CDH23: variants seen among roughly 807,000 people sequenced by gnomAD.
CDH23 encodes cadherin related 23.
CDH23 carries 189 observed loss-of-function variants against 317.1 expected under a neutral mutation model. That is an observed-to-expected ratio of 0.60 (90% CI 0.53 to 0.67). The LOEUF is 0.67. Ranked by LOEUF, CDH23 falls within the 30% of genes least tolerant of loss-of-function variation. The pLI, the probability that CDH23 is intolerant of heterozygous loss-of-function variation, is 0.00. For missense variants in CDH23, 4,401 were observed against 4,592.4 expected (o/e 0.96, Z 1.20); for synonymous variants, 1,839 against 1,876.8 (o/e 0.98, Z 0.52).
At chr10:71,696,532 G>A (rs1865398373) in intron 22 of CDH23, among the ~76,000 whole-genome samples, 1 of 152,210 alleles carries the variant, frequency 6.6e-6, no homozygotes, top group African/African-American at 2.4e-5. Flanking sequence ...TGTCTGACTT[G>A]GAGACAAGGG....
rs754872846 is a variant in CDH23 at position 71,571,640 on chromosome 10, G to A, written c.753+722G>A. On this transcript the variant is annotated intron_variant, in intron 8 of 69. Transcript: ENST00000224721. Reference sequence around the variant, plus strand: ...GCCATCTCTAGTCTCATAACCATTCGTGCGTCTGTGCAAACTTGAATGCAA... The same window carrying A: ...GCCATCTCTAGTCTCATAACCATTCATGCGTCTGTGCAAACTTGAATGCAA... Among the ~76,000 whole-genome samples, 4 of 152,316 alleles carry A rather than the reference G, an allele frequency of 2.6e-5. No homozygotes were observed. The East Asian group carries it at 5.8e-4, about 22-fold the overall frequency.
Position 71,676,191 on chromosome 10 carries a change from G to A in CDH23, c.1514+1015G>A, listed in dbSNP as rs556075200. On this transcript the variant is annotated intron_variant, in intron 15 of 69. Transcript: ENST00000224721. ...CCAAGTGCTGGGATTACAGGCATGA[G>A]CCACTGCACCCGGCCCCCTCTCACT... Among the ~76,000 whole-genome samples the A allele has an allele frequency of 8.6e-5, 13 of 151,756 alleles. No homozygotes were observed. The East Asian group carries it at 2.5e-3, about 30-fold the overall frequency.
chr10:71,446,316 AGGCCAGGTGAACC>A lies in CDH23; in HGVS notation c.70_82del (p.Gln24CysfsTer14). Reference sequence around the variant, plus strand: ...CTGACGCTCTTGTCCTCTGACTTCCAGGCCAGGTGAACCGGCTGCCCTTCTTCACCAACCACTT... The same window carrying A: ...CTGACGCTCTTGTCCTCTGACTTCCAGGCTGCCCTTCTTCACCAACCACTT... On this transcript the variant is annotated splice_acceptor_variant and coding_sequence_variant, in exon 3 of 70. Coordinates refer to ENST00000224721, the MANE Select transcript of CDH23 (RefSeq NM_022124.6). LOFTEE classifies it high-confidence loss of function. 1 of 1,613,980 alleles carries A rather than the reference AGGCCAGGTGAACC, an allele frequency of 6.2e-7. No individual in the cohort carries two copies. The highest frequency in any genetic ancestry group is 2.2e-5 in the East Asian group (1 of 44,884).
intron 6 of CDH23, among the ~76,000 whole-genome samples, chr10:71,552,979 C>A (rs1051287382): frequency 1.3e-5 from 2 of 152,230 alleles, no homozygotes; most frequent in South Asian, 4.1e-4. Context: ...ACCATCCAGT[C>A]CCCCCACTCC....
Position 71,740,833 on chromosome 10 carries a change from T to G in CDH23, c.4500T>G (p.Ser1500=), listed in dbSNP as rs754848147. The change falls in exon 37 of 70, where the codon TCT becomes TCG. Residue 1500 remains serine, a synonymous_variant. Coordinates refer to ENST00000224721, the MANE Select transcript of CDH23 (RefSeq NM_022124.6). The part of the protein sequence containing the change: ...LDHYILQVVA[S]DRGTPPRKKD... ...CCTCCTCCTTGCAGGTTGTGGCTTC[T>G]GACCGAGGCACCCCTCCACGGAAGA... 1 of 1,613,810 alleles carries G rather than the reference T, an allele frequency of 6.2e-7. No individual in the cohort carries two copies. The highest frequency in any genetic ancestry group is 1.1e-5 in the South Asian group (1 of 91,088).
At chr10:71,441,583 G>A (rs1044986499) in intron 2 of CDH23, among the ~76,000 whole-genome samples, 31 of 152,102 alleles carry the variant, frequency 2.0e-4, no homozygotes, top group Admixed American at 1.6e-3. Flanking sequence ...GCTGGACATG[G>A]TGGTGGCGCA....
intron 6 of CDH23, among the ~76,000 whole-genome samples, chr10:71,551,537 C>A (rs1856596960): frequency 6.6e-6 from 1 of 152,142 alleles, no homozygotes; most frequent in Non-Finnish European, 1.5e-5. Flanking sequence ...TCTTGAGGTT[C>A]TGGTAGGGAA....
At chr10:71,607,879 G>T (rs547285371) in intron 9 of CDH23, among the ~76,000 whole-genome samples, 1 of 152,254 alleles carries the variant, frequency 6.6e-6, no homozygotes, top group Admixed American at 6.5e-5. Flanking sequence ...CTCCAGCCTG[G>T]GTGATAGAAC....
chr10:71,602,995 A>G (rs139203500), intron 9 of CDH23, among the ~76,000 whole-genome samples: 7 of 152,266 alleles, frequency 4.6e-5, no homozygotes, highest in African/African-American at 1.7e-4. Context: ...GAAGATGACC[A>G]ATCTTCCCCA....
chr10:71,434,163 C>A (rs766226298), intron 1 of CDH23, among the ~76,000 whole-genome samples: 2 of 152,198 alleles, frequency 1.3e-5, no homozygotes, highest in Non-Finnish European at 2.9e-5. Context: ...AGGCATTCCT[C>A]CCAGATATCC....
chr10:71,619,992 T>C (rs1861385227), intron 11 of CDH23, among the ~76,000 whole-genome samples: 1 of 152,202 alleles, frequency 6.6e-6, no homozygotes, highest in South Asian at 2.1e-4. Flanking sequence ...CAGCTTATAT[T>C]GCAGTAACAA....
At chr10:71,443,947 G>A (rs1485381406) in intron 2 of CDH23, among the ~76,000 whole-genome samples, 1 of 152,252 alleles carries the variant, frequency 6.6e-6, no homozygotes, top group South Asian at 2.1e-4. Context: ...AGCTCCCAGT[G>A]ACTGATTAGT....
intron 6 of CDH23, among the ~76,000 whole-genome samples, chr10:71,514,814 A>G (rs149677918): frequency 6.6e-6 from 1 of 152,354 alleles, no homozygotes; most frequent in East Asian, 1.9e-4. Context: ...GCCAGCCTCG[A>G]CAGACCTCAT....
At chr10:71,446,463 G>A (rs1850174491) in intron 3 of CDH23, 68 bp downstream of exon 3, 2 of 1,461,228 alleles carry the variant, frequency 1.4e-6, no homozygotes, top group Admixed American at 1.7e-5. Context: ...ACAAGTGAAG[G>A]GGATCTTACA....
chr10:71,625,411 A>AT (rs369650190), intron 11 of CDH23, among the ~76,000 whole-genome samples: 1 of 130,068 alleles, frequency 7.7e-6, no homozygotes, highest in Non-Finnish European at 1.6e-5. Flanking sequence ...AAAAAAAAAA[A>AT]AAAAAAAAAA....
chr10:71,741,214 G>C (rs1839723275), intron 37 of CDH23, among the ~76,000 whole-genome samples: 1 of 152,208 alleles, frequency 6.6e-6, no homozygotes, highest in African/African-American at 2.4e-5. Flanking sequence ...TTTACCCCGG[G>C]AGCTTGCTTT....
chr10:71,509,875 G>A, intron 3 of CDH23: 1 of 593,374 alleles, frequency 1.7e-6, no homozygotes, highest in Non-Finnish European at 3.0e-6. Flanking sequence ...ATACCATCAT[G>A]ACACACTGTG....
chr10:71,643,852 C>T lies in CDH23; in HGVS notation c.1135-9C>T, dbSNP rs1862693850. Reference sequence around the variant, plus strand: ...CCATATCCTTTGACTGACCGACTCCCATTGACAGAATTTGGTAAGTGAGCC... The same window carrying T: ...CCATATCCTTTGACTGACCGACTCCTATTGACAGAATTTGGTAAGTGAGCC... On this transcript the variant is annotated splice_polypyrimidine_tract_variant and intron_variant, in intron 11 of 69. Coordinates refer to ENST00000224721, the MANE Select transcript of CDH23 (RefSeq NM_022124.6). 1.3e-6 allele frequency: 1 copy of T among 766,092 alleles called. No individual in the cohort carries two copies. The highest frequency in any genetic ancestry group is 2.4e-6 in the Non-Finnish European group (1 of 417,770). The allele number at this position is 766,092 out of a possible 1,614,324, so 47.5% of individuals were successfully genotyped here.
At chr10:71,602,642 C>T (rs1860295358) in intron 9 of CDH23, among the ~76,000 whole-genome samples, 1 of 152,160 alleles carries the variant, frequency 6.6e-6, no homozygotes, top group South Asian at 2.1e-4. Flanking sequence ...CTGTCACTGC[C>T]ATTGCACCCC....
Sources: allele counts gnomAD v4.1 joint callset (sites outside exome capture counted in the v4.1 genomes callset), GRCh38; gene constraint gnomAD v4.1.1; transcripts MANE v1.5; gene names NCBI Gene and HGNC (gene_info 2026-07-23, HGNC 2026-07-21).